PIK3C2G: variants seen among roughly 807,000 people sequenced by gnomAD.
The protein encoded by PIK3C2G is phosphatidylinositol-4-phosphate 3-kinase catalytic subunit type 2 gamma, also known as phosphatidylinositol 3-kinase C2 domain-containing subunit gamma.
PIK3C2G carries 168 observed loss-of-function variants against 181.1 expected under a neutral mutation model. The ratio of observed to expected loss-of-function variants is 0.93; its 90% CI spans 0.82 to 1.05. The LOEUF (loss-of-function observed/expected upper bound fraction) is 1.05. Among genes scored for constraint, PIK3C2G ranks in the 50% least tolerant of loss-of-function variants. The pLI, the probability that PIK3C2G is intolerant of heterozygous loss-of-function variation, is 0.00. For missense variants in PIK3C2G, 1,869 were observed against 1,732.8 expected, an observed-to-expected ratio of 1.08 and a Z score of -1.40; for synonymous variants, 573 against 592.2, an observed-to-expected ratio of 0.97 and a Z score of 0.47.
At chr12:18,651,949 G>A (rs1172443306), downstream of PIK3C2G, among the ~76,000 whole-genome samples, 2 of 152,060 alleles carry the variant, frequency 1.3e-5, no homozygotes, top group African/African-American at 2.4e-5. Flanking sequence ...GGATCTCTAA[G>A]GATTCCAAAA....
rs151060229 is a variant in PIK3C2G at position 18,298,352 on chromosome 12, T to C, written c.1034+4337T>C. Among the ~76,000 whole-genome samples the C allele has an allele frequency of 3.0e-3, 450 of 151,946 alleles. 2 individuals are homozygous for C. The highest frequency in any genetic ancestry group is 0.01 in the African/African-American group (433 of 41,532). On this transcript the variant is annotated intron_variant, in intron 5 of 32. Coordinates refer to ENST00000538779, the MANE Select transcript of PIK3C2G (RefSeq NM_001288772.2). The stretch of plus-strand genomic sequence containing the variant: ...TTTGAGAAAGGTCTATTCAGATTGC[T>C]TGCCCACTTTTTGATGGGATTATTT...
intron 6 of PIK3C2G, among the ~76,000 whole-genome samples, chr12:18,317,011 CTTTT>C (rs756099726): frequency 1.7e-5 from 2 of 117,216 alleles, no homozygotes. Context: ...AGTCTTGATT[CTTTT>C]TTTTTTTTTT....
At chr12:18,471,524 C>T (rs1427484411) in intron 18 of PIK3C2G, among the ~76,000 whole-genome samples, 2 of 152,142 alleles carry the variant, frequency 1.3e-5, no homozygotes, top group Non-Finnish European at 1.5e-5. Flanking sequence ...ATAATTCTTG[C>T]TTGTTCTCAT....
At chr12:18,482,394 C>T (rs1166933769) in intron 18 of PIK3C2G, among the ~76,000 whole-genome samples, 2 of 152,052 alleles carry the variant, frequency 1.3e-5, no homozygotes, top group South Asian at 2.1e-4. Flanking sequence ...TGTGGGTTCA[C>T]GGTCAAAGCT....
chr12:18,661,648 C>T, the PIK3C2G span, among the ~76,000 whole-genome samples: 7 of 152,132 alleles, frequency 4.6e-5, no homozygotes, highest in East Asian at 1.4e-3. Flanking sequence ...CAAAAAATAA[C>T]ATGCTGGTGA....
chr12:18,520,581 T>G (rs988042640), intron 24 of PIK3C2G, among the ~76,000 whole-genome samples: 1 of 152,216 alleles, frequency 6.6e-6, no homozygotes, highest in African/African-American at 2.4e-5. Flanking sequence ...TTTATGTTCC[T>G]CTCTAAACTG....
chr12:18,519,301 G>A (rs1429688467), intron 24 of PIK3C2G, among the ~76,000 whole-genome samples: 13 of 151,102 alleles, frequency 8.6e-5, no homozygotes, highest in African/African-American at 2.7e-4. Flanking sequence ...TTTCTGTCTC[G>A]TTGTATTGAC....
chr12:18,509,013 T>C (rs1442823580), intron 24 of PIK3C2G, among the ~76,000 whole-genome samples: 1 of 152,132 alleles, frequency 6.6e-6, no homozygotes, highest in East Asian at 1.9e-4. Flanking sequence ...CTTTTTATGG[T>C]TTACACAATA....
chr12:18,469,323 C>T (rs867699351), intron 18 of PIK3C2G, among the ~76,000 whole-genome samples: 3 of 152,006 alleles, frequency 2.0e-5, no homozygotes, highest in Non-Finnish European at 2.9e-5. Flanking sequence ...ACAAAGCTTT[C>T]GACTCTGCTT....
chr12:18,432,841 AATACGT>A (rs1946236766), intron 18 of PIK3C2G, among the ~76,000 whole-genome samples: 1 of 152,208 alleles, frequency 6.6e-6, no homozygotes, highest in Non-Finnish European at 1.5e-5. Flanking sequence ...TTGAAATTAA[AATACGT>A]TTATGATATC....
intron 18 of PIK3C2G, among the ~76,000 whole-genome samples, chr12:18,453,842 C>G (rs1189951895): frequency 6.6e-6 from 1 of 152,064 alleles, no homozygotes; most frequent in African/African-American, 2.4e-5. Context: ...GACTCACTGT[C>G]TAATTTGAAT....
chr12:18,615,378 T>TATA (rs60413646), intron 31 of PIK3C2G, among the ~76,000 whole-genome samples: 1 of 148,762 alleles, frequency 6.7e-6, no homozygotes, highest in Non-Finnish European at 1.5e-5. Flanking sequence ...TGTATGTGTA[T>TATA]ATATATATAT....
chr12:18,598,055 T>A (rs1197420928), intron 30 of PIK3C2G, among the ~76,000 whole-genome samples: 5 of 152,096 alleles, frequency 3.3e-5, no homozygotes, highest in African/African-American at 1.2e-4. Context: ...ATCAATATCA[T>A]GAAAATGGCC....
chr12:18,472,321 T>C (rs1009353712), intron 18 of PIK3C2G, among the ~76,000 whole-genome samples: 1 of 152,216 alleles, frequency 6.6e-6, no homozygotes, highest in Non-Finnish European at 1.5e-5. Flanking sequence ...TTAGTATTTT[T>C]TGGACTCTGG....
intron 20 of PIK3C2G, among the ~76,000 whole-genome samples, chr12:18,494,595 T>G (rs1174671419): frequency 6.6e-6 from 1 of 152,112 alleles, no homozygotes; most frequent in Non-Finnish European, 1.5e-5. Context: ...TGGGTGGTAG[T>G]TAAAAAGATA....
At chr12:18,407,456 C>A (rs944395623) in intron 16 of PIK3C2G, among the ~76,000 whole-genome samples, 1 of 152,044 alleles carries the variant, frequency 6.6e-6, no homozygotes, top group Non-Finnish European at 1.5e-5. Context: ...CATTGAAACC[C>A]ATTTGTTTAT....
At chr12:18,496,432 C>A (rs1157342951) in intron 21 of PIK3C2G, among the ~76,000 whole-genome samples, 1 of 152,080 alleles carries the variant, frequency 6.6e-6, no homozygotes, top group Non-Finnish European at 1.5e-5. Flanking sequence ...TTTTAAGTGG[C>A]AGATAAAGTT....
At chr12:18,382,389 A>C (rs2137972798) in intron 14 of PIK3C2G, among the ~76,000 whole-genome samples, 1 of 152,272 alleles carries the variant, frequency 6.6e-6, no homozygotes, top group Admixed American at 6.5e-5. Flanking sequence ...ATCATAAAAG[A>C]AAGGTGGTAA....
the PIK3C2G span, among the ~76,000 whole-genome samples, chr12:18,687,465 A>C: frequency 2.0e-5 from 3 of 152,212 alleles, no homozygotes; most frequent in African/African-American, 7.2e-5. Context: ...ATCCTTTTCT[A>C]ATTTCCTTAG....
Sources: gnomAD v4.1 joint callset for allele counts (sites outside exome capture counted in the v4.1 genomes callset) on GRCh38, gnomAD v4.1.1 for gene constraint, MANE v1.5 for transcripts, NCBI Gene and HGNC (gene_info 2026-07-23, HGNC 2026-07-21) for gene names.